The following HS1BP3 variants were observed in gnomAD, a reference collection of about 807,000 sequenced individuals.
HS1BP3 encodes HCLS1 binding protein 3, also known as HCLS1-binding protein 3.
A neutral mutation model predicts 33.5 loss-of-function variants in HS1BP3; 32 were observed. The ratio of observed to expected loss-of-function variants is 0.95; its 90% CI spans 0.72 to 1.28. The LOEUF (loss-of-function observed/expected upper bound fraction) is 1.28, where lower values mean the gene tolerates loss of function less well. Ranked by LOEUF, HS1BP3 falls within the 50% of genes most tolerant of loss-of-function variation. The pLI, the probability that HS1BP3 is intolerant of heterozygous loss-of-function variation, is 0.00. For missense variants in HS1BP3, 486 were observed against 502.3 expected (o/e 0.97, Z 0.31); for synonymous variants, 187 against 209.2 (o/e 0.89, Z 0.92).
chr2:20,585,354 A>G (rs1418438448), intron 5 of HS1BP3, among the ~76,000 whole-genome samples: 2 of 151,916 alleles, frequency 1.3e-5, no homozygotes, highest in Admixed American at 1.3e-4. Context: ...TAATACAATG[A>G]TCAACAGTGC....
chr2:20,598,062 G>T, intron 3 of HS1BP3: 1 of 181,040 alleles, frequency 5.5e-6, no homozygotes, highest in Admixed American at 5.5e-5. Flanking sequence ...TTGGCATCAG[G>T]GAAGACAAAA....
chr2:20,607,477 G>A (rs1558332208), intron 2 of HS1BP3, among the ~76,000 whole-genome samples: 3 of 152,226 alleles, frequency 2.0e-5, no homozygotes, highest in South Asian at 2.1e-4. Context: ...TCTTTTACAC[G>A]TGGATGTCCC....
At chr2:20,647,065 A>G (rs1326513464) in intron 1 of HS1BP3, among the ~76,000 whole-genome samples, 2 of 152,042 alleles carry the variant, frequency 1.3e-5, no homozygotes, top group Non-Finnish European at 1.5e-5. Flanking sequence ...AACGAGGCAC[A>G]GGGGGGTGAA....
At chr2:20,585,851 C>T (rs184835750) in intron 5 of HS1BP3, among the ~76,000 whole-genome samples, 9 of 152,312 alleles carry the variant, frequency 5.9e-5, no homozygotes, top group African/African-American at 1.9e-4. Context: ...GTGTCAGGCA[C>T]GGCACCTACT....
At chr2:20,643,599 A>G (rs1695426040) in intron 2 of HS1BP3, among the ~76,000 whole-genome samples, 1 of 151,982 alleles carries the variant, frequency 6.6e-6, no homozygotes, top group African/African-American at 2.4e-5. Context: ...GCTATTCTAG[A>G]CGCTTCTCAT....
intron 4 of HS1BP3, among the ~76,000 whole-genome samples, chr2:20,628,312 G>A (rs531974782): frequency 5.9e-5 from 9 of 152,274 alleles, no homozygotes; most frequent in African/African-American, 1.9e-4. Context: ...CATTATGGCC[G>A]AGTGAGGTGG....
At chr2:20,628,506 A>G (rs930474172) in intron 4 of HS1BP3, among the ~76,000 whole-genome samples, 2 of 152,132 alleles carry the variant, frequency 1.3e-5, no homozygotes, top group Non-Finnish European at 2.9e-5. Context: ...ATGGTGGTGC[A>G]TGCCTGTAAT....
At chr2:20,554,416 G>A in the HS1BP3 span, among the ~76,000 whole-genome samples, 9 of 152,118 alleles carry the variant, frequency 5.9e-5, no homozygotes, top group South Asian at 2.1e-4. Context: ...TAACAAACAC[G>A]CACAAAGCTT....
chr2:20,641,474 C>T (rs972556757), intron 2 of HS1BP3, among the ~76,000 whole-genome samples: 1 of 152,212 alleles, frequency 6.6e-6, no homozygotes, highest in African/African-American at 2.4e-5. Flanking sequence ...CCCTGCCCAG[C>T]CTGCACGTGA....
intron 5 of HS1BP3, among the ~76,000 whole-genome samples, chr2:20,584,679 A>G (rs1325179722): frequency 6.6e-6 from 1 of 152,174 alleles, no homozygotes; most frequent in African/African-American, 2.4e-5. Flanking sequence ...TTGCCCCCCA[A>G]GTGACATGGA....
At chr2:20,576,551 C>T (rs1693404687) in intron 5 of HS1BP3, among the ~76,000 whole-genome samples, 1 of 152,234 alleles carries the variant, frequency 6.6e-6, no homozygotes, top group African/African-American at 2.4e-5. Flanking sequence ...GAATCTGCCA[C>T]ATTCTAGCTA....
At chr2:20,567,709 T>C (rs2149271368) in intron 5 of HS1BP3, among the ~76,000 whole-genome samples, 1 of 152,348 alleles carries the variant, frequency 6.6e-6, no homozygotes, top group African/African-American at 2.4e-5. Flanking sequence ...CCCAGAGGAC[T>C]GACCGCAGGC....
chr2:20,580,756 G>T (rs1693514109), intron 5 of HS1BP3, among the ~76,000 whole-genome samples: 3 of 152,154 alleles, frequency 2.0e-5, no homozygotes, highest in Admixed American at 2.0e-4. Context: ...AATATCAAGT[G>T]CTGACAAAGA....
At chr2:20,600,466 G>T (rs10201427) in intron 2 of HS1BP3, among the ~76,000 whole-genome samples, 4,451 of 152,226 alleles carry the variant, frequency 0.029, 240 homozygotes, top group African/African-American at 0.1. Context: ...AAGAGAATGG[G>T]TCCAGCATCA....
intron 2 of HS1BP3, among the ~76,000 whole-genome samples, chr2:20,601,861 C>T (rs568210910): frequency 7.5e-6 from 1 of 132,862 alleles, no homozygotes; most frequent in Admixed American, 9.4e-5. Flanking sequence ...TCACTGCAAG[C>T]TCCGCCTTCC....
intron 5 of HS1BP3, among the ~76,000 whole-genome samples, chr2:20,561,718 A>G (rs766766010): frequency 2.6e-5 from 4 of 152,120 alleles, no homozygotes; most frequent in Non-Finnish European, 5.9e-5. Context: ...GTAATAAGAA[A>G]TATATATTTT....
chr2:20,566,901 C>T (rs552450604), intron 5 of HS1BP3, among the ~76,000 whole-genome samples: 321 of 152,278 alleles, frequency 2.1e-3, no homozygotes, highest in African/African-American at 6.3e-3. Flanking sequence ...GCCACCAAGG[C>T]TGGCCCCCCA....
At chr2:20,624,631 G>T in intron 5 of HS1BP3, 101 bp downstream of exon 5, 2 of 1,085,122 alleles carry the variant, frequency 1.8e-6, no homozygotes, top group South Asian at 1.6e-5. Context: ...GGACAGGGGA[G>T]ATATATGGGT....
chr2:20,581,157 AT>A (rs1693525299), intron 5 of HS1BP3, among the ~76,000 whole-genome samples: 1 of 152,274 alleles, frequency 6.6e-6, no homozygotes, highest in African/African-American at 2.4e-5. Context: ...CTCTGGCCTG[AT>A]GGGGGCTTTG....
Sources: gnomAD v4.1 joint callset for allele counts (sites outside exome capture counted in the v4.1 genomes callset) on GRCh38, gnomAD v4.1.1 for gene constraint, MANE v1.5 for transcripts, NCBI Gene and HGNC (gene_info 2026-07-23, HGNC 2026-07-21) for gene names.